The following ZFAND5 variants were observed in gnomAD, a reference collection of about 807,000 sequenced individuals.
The protein encoded by ZFAND5 is AN1-type zinc finger protein 5.
A neutral mutation model predicts 23.6 loss-of-function variants in ZFAND5; 4 were observed. The observed-to-expected ratio is 0.17, with a 90% CI of 0.08 to 0.39. ZFAND5 has a LOEUF of 0.39. Among genes scored for constraint, ZFAND5 ranks in the 10% least tolerant of loss-of-function variants. The pLI is 1.00. For synonymous variants in ZFAND5, 68 were observed against 80.6 expected, an observed-to-expected ratio of 0.84 and a Z score of 0.84; for missense variants, 161 against 253.7, an observed-to-expected ratio of 0.63 and a Z score of 2.48.
At chr9:72,360,881 T>G in intron 2 of ZFAND5, 94 bp from the exon 3 acceptor site, 1 of 1,173,210 alleles carries the variant, frequency 8.5e-7, no homozygotes, top group African/African-American at 1.6e-5. Flanking sequence ...TACGCAAGTT[T>G]TAACAAAAGC....
At chr9:72,357,813 G>A (rs979006291) in intron 5 of ZFAND5, among the ~76,000 whole-genome samples, 20 of 152,098 alleles carry the variant, frequency 1.3e-4, no homozygotes, top group South Asian at 4.1e-4. Context: ...CAGTCCCACC[G>A]TTTCTCCACC....
At position 72,363,455 on chromosome 9, in the gene ZFAND5, T is replaced by C. The variant is rs1842161395; in HGVS notation, c.-10+15A>G. 5.9e-6 allele frequency: 1 copy of C among 169,524 alleles called. No individual in the cohort carries two copies. The highest frequency in any genetic ancestry group is 6.5e-5 in the Admixed American group (1 of 15,292). The allele number at this position is 169,524 out of a possible 1,614,324, so 10.5% of individuals were successfully genotyped here. ...GTGCACATGATGTGATGAGATGGCA[T>C]GAATTCCCACTCACCTGGGAATGGA... is the stretch of plus-strand genomic sequence containing the variant. On this transcript the variant is annotated intron_variant, in intron 2 of 6. Transcript: ENST00000376962.
intron 3 of ZFAND5, 49 bp from the exon 4 acceptor site, chr9:72,360,270 CACTT>C (rs750479286): frequency 9.7e-6 from 14 of 1,450,002 alleles, no homozygotes; most frequent in South Asian, 6.0e-5. Context: ...TACAAAAACT[CACTT>C]AGTATCAAGA....
At chr9:72,359,222 A>G (rs1471284469) in intron 5 of ZFAND5, among the ~76,000 whole-genome samples, 196 bp downstream of exon 5, 1 of 150,660 alleles carries the variant, frequency 6.6e-6, no homozygotes, top group African/African-American at 2.4e-5. Context: ...GAAGAAACTG[A>G]GAATAAATAT....
chr9:72,361,146 T>C, intron 2 of ZFAND5, among the ~76,000 whole-genome samples: 1 of 152,228 alleles, frequency 6.6e-6, no homozygotes, highest in East Asian at 1.9e-4. Flanking sequence ...GGCAGACCAT[T>C]TCAAATGTTT....
intron 3 of ZFAND5, 66 bp downstream of exon 3, chr9:72,360,562 A>T: frequency 6.2e-7 from 1 of 1,602,006 alleles, no homozygotes; most frequent in Non-Finnish European, 8.5e-7. Context: ...TCTCAGCCCC[A>T]ATTCTTGGTT....
chr9:72,353,495 G>C lies in ZFAND5; in HGVS notation c.*2458C>G, dbSNP rs1455128816. On this transcript the variant is annotated 3_prime_UTR_variant, in exon 7 of 7. Coordinates refer to ENST00000376962, the MANE Select transcript of ZFAND5 (RefSeq NM_001102420.3). ...GTTCAAGACCAGCCTGACCAACATG[G>C]AGAAACTGTCTCTATTAAAAATACA... is the stretch of plus-strand genomic sequence containing the variant. The C allele has an allele frequency of 6.6e-6, 1 of 152,224 alleles. No individual in the cohort carries two copies. Among genetic ancestry groups the C allele is most frequent in the African/African-American group, 2.4e-5 (1 of 41,424 alleles). 9.4% of individuals were successfully genotyped at this position (152,224 alleles called of 1,614,324 possible).
intron 2 of ZFAND5, 142 bp from the exon 3 acceptor site, chr9:72,360,929 T>C (rs1191922780): frequency 2.8e-6 from 2 of 719,854 alleles, no homozygotes; most frequent in Non-Finnish European, 4.0e-6. Flanking sequence ...TGGGCAGAGA[T>C]AATTATCAAT....
In ZFAND5 at chr9:72,364,925, G is replaced by A. The variant is rs1352824379; in HGVS notation, c.-376C>T. The A allele has an allele frequency of 6.5e-6, 1 of 153,144 alleles. No individual in the cohort carries two copies. The highest frequency in any genetic ancestry group is 1.5e-5 in the Non-Finnish European group (1 of 68,816). 9.5% of individuals were successfully genotyped at this position (153,144 alleles called of 1,614,324 possible). A position where few individuals can be genotyped will look rare whatever the true frequency, so the allele number is the denominator to read the frequency against. On this transcript the variant is annotated 5_prime_UTR_variant, in exon 1 of 7. Transcript: ENST00000376962. ...CACGCCGGAGCTCGGGAAGTGGGAGGAGGGAAGCGAGGGGGGGCCGAGGAG... is the reference window on the plus strand; with the variant it reads ...CACGCCGGAGCTCGGGAAGTGGGAGAAGGGAAGCGAGGGGGGGCCGAGGAG...
rs970423674 is a variant in ZFAND5 at position 72,355,684 on chromosome 9, T to C, written c.*269A>G. On this transcript the variant is annotated 3_prime_UTR_variant, in exon 7 of 7. Coordinates refer to ENST00000376962, the MANE Select transcript of ZFAND5 (RefSeq NM_001102420.3). Reference sequence around the variant, plus strand: ...TGTTTGGCACATGGGAACTACATTTTGTTCCTATTATCTGTGTGTTTCACT... The same window carrying C: ...TGTTTGGCACATGGGAACTACATTTCGTTCCTATTATCTGTGTGTTTCACT... 5 of 259,550 alleles carry C rather than the reference T, an allele frequency of 1.9e-5. No individual in the cohort carries two copies. Among genetic ancestry groups the C allele is most frequent in the African/African-American group, 6.7e-5 (3 of 44,898 alleles). 16.1% of individuals were successfully genotyped at this position (259,550 alleles called of 1,614,324 possible). A position where few individuals can be genotyped will look rare whatever the true frequency, so the allele number is the denominator to read the frequency against.
At position 72,354,302 on chromosome 9, in the gene ZFAND5, A is replaced by C. The variant is rs1259650680; in HGVS notation, c.*1651T>G. 1 of 152,236 alleles carries C rather than the reference A, an allele frequency of 6.6e-6. No individual in the cohort carries two copies. Among genetic ancestry groups the C allele is most frequent in the Non-Finnish European group, 1.5e-5 (1 of 68,042 alleles). The allele number at this position is 152,236 out of a possible 1,614,324, so 9.4% of individuals were successfully genotyped here. A position where few individuals can be genotyped will look rare whatever the true frequency, so the allele number is the denominator to read the frequency against. On this transcript the variant is annotated 3_prime_UTR_variant, in exon 7 of 7. Transcript: ENST00000376962. ...AAAAATAAACTGCCTATCAGGTATCATACCTGCAAATGCTTCTAATATCTC... is the reference window on the plus strand; with the variant it reads ...AAAAATAAACTGCCTATCAGGTATCCTACCTGCAAATGCTTCTAATATCTC...
intron 1 of ZFAND5, 147 bp downstream of exon 1, chr9:72,364,549 T>TGGCG (rs1165036996): frequency 5.1e-5 from 65 of 1,274,202 alleles, no homozygotes; most frequent in South Asian, 6.3e-5. Context: ...CTTCCTGGGC[T>TGGCG]GGCGGGCGGG....
intron 1 of ZFAND5, 80 bp from the exon 2 acceptor site, chr9:72,363,686 A>C (rs1257695595): frequency 5.1e-5 from 50 of 975,522 alleles, no homozygotes; most frequent in Non-Finnish European, 6.0e-5. Flanking sequence ...TTAACAAAAA[A>C]CTTCAAAGAT....
chr9:72,360,539 G>T (rs1842069485), intron 3 of ZFAND5, 89 bp downstream of exon 3: 3 of 1,559,048 alleles, frequency 1.9e-6, no homozygotes, highest in South Asian at 2.3e-5. Flanking sequence ...TTCTCTCCAT[G>T]TGCTTTCAGC....
intron 1 of ZFAND5, 197 bp downstream of exon 1, chr9:72,364,499 T>C (rs1213428002): frequency 2.3e-6 from 3 of 1,281,274 alleles, no homozygotes; most frequent in Non-Finnish European, 3.1e-6. Flanking sequence ...GGGAGCCAGG[T>C]CTCGGGCCAC....
chr9:72,364,180 G>A (rs905737110), intron 1 of ZFAND5: 1 of 214,440 alleles, frequency 4.7e-6, no homozygotes, highest in Non-Finnish European at 9.5e-6. Context: ...AGCCCAACAG[G>A]GCCCTCTCCG....
At chr9:72,362,368 A>G (rs1190537731) in intron 2 of ZFAND5, among the ~76,000 whole-genome samples, 1 of 152,212 alleles carries the variant, frequency 6.6e-6, no homozygotes, top group Non-Finnish European at 1.5e-5. Flanking sequence ...CGCACAAAAT[A>G]TGTGTGAATG....
chr9:72,363,649 T>C (rs1380643160), intron 1 of ZFAND5, 43 bp from the exon 2 acceptor site: 9 of 983,548 alleles, frequency 9.2e-6, no homozygotes, highest in Non-Finnish European at 1.1e-5. Context: ...GAATCCTTAA[T>C]TTTTTAGGGG....
At chr9:72,360,077 A>G (rs750473619) in intron 4 of ZFAND5, 33 bp downstream of exon 4, 5 of 1,560,708 alleles carry the variant, frequency 3.2e-6, no homozygotes, top group East Asian at 4.5e-5. Context: ...CTTCTTTGTA[A>G]TATCATAAAA....
Sources: allele counts gnomAD v4.1 joint callset (sites outside exome capture counted in the v4.1 genomes callset), GRCh38; gene constraint gnomAD v4.1.1; transcripts MANE v1.5; gene names NCBI Gene and HGNC (gene_info 2026-07-23, HGNC 2026-07-21).